Variants in USP28 observed in about 807,000 individuals in gnomAD.
USP28 encodes the protein ubiquitin carboxyl-terminal hydrolase 28.
In USP28, 113 loss-of-function variants were observed where a neutral mutation model predicts 145.0. That is an observed-to-expected ratio of 0.78 (90% CI 0.67 to 0.91). The LOEUF (loss-of-function observed/expected upper bound fraction) is 0.91. Among genes scored for constraint, USP28 ranks in the 40% least tolerant of loss-of-function variants. USP28 has a pLI of 0.00. For synonymous variants in USP28, 447 were observed against 450.9 expected, an observed-to-expected ratio of 0.99 and a Z score of 0.11; for missense variants, 1,201 against 1,289.6, an observed-to-expected ratio of 0.93 and a Z score of 1.05.
In USP28 at chr11:113,826,919, C is replaced by CAA. The variant is rs201039687; in HGVS notation, c.1187+312_1187+313dup. On this transcript the variant is annotated intron_variant, in intron 11 of 24. Coordinates refer to ENST00000003302, the Ensembl canonical transcript of USP28. ...GGGCAACAAGAGCAAAACTCTGTCT[C>CAA]AAAAAAAAAAAAAAACAAAAATTCT... 7.0e-4 allele frequency among the ~76,000 whole-genome samples: 70 copies of CAA among 100,106 alleles called. 1 individual carries two copies. Among genetic ancestry groups the CAA allele is most frequent in the East Asian group, 6.6e-3 (27 of 4,074 alleles). The allele number at this position is 100,106 out of a possible 152,430, so 65.7% of individuals were successfully genotyped here.
chr11:113,854,358 C>A lies in USP28; in HGVS notation c.58-23G>T, dbSNP rs181395650. 4.3e-3 allele frequency: 6,942 copies of A among 1,601,666 alleles called. 27 individuals are homozygous for A. Among genetic ancestry groups the A allele is most frequent in the Non-Finnish European group, 4.7e-3 (5,465 of 1,172,430 alleles). On this transcript the variant is annotated intron_variant, in intron 1 of 24. Coordinates refer to ENST00000003302, the Ensembl canonical transcript of USP28. ...GCTCTATATTTGCAAAACAAAAAAA[C>A]CACAAACATGTCAGTCAGAAAGTAA...
intron 6 of USP28, 80 bp downstream of exon 6, chr11:113,834,169 C>A (rs1944320353): frequency 1.9e-6 from 2 of 1,051,312 alleles, no homozygotes; most frequent in Non-Finnish European, 2.8e-6. Context: ...TCACGGATAT[C>A]AGCTTTAGGC....
intron 5 of USP28, 61 bp from the exon 6 acceptor site, chr11:113,834,396 T>C (rs1418222548): frequency 1.8e-6 from 2 of 1,122,304 alleles, no homozygotes; most frequent in African/African-American, 3.2e-5. Context: ...GCAACATATG[T>C]ATTTTTCACT....
At position 113,827,214 on chromosome 11, in the gene USP28, A is replaced by T; in HGVS notation, c.1187+19T>A. Reference sequence around the variant, plus strand: ...TGCTGTAATACCTCAGGAAAAAAAAAAATCAGCCAAGAACTCACCTGTCCA... The same window carrying T: ...TGCTGTAATACCTCAGGAAAAAAAATAATCAGCCAAGAACTCACCTGTCCA... On this transcript the variant is annotated intron_variant, in intron 11 of 24. Transcript: ENST00000003302. 1 of 1,587,884 alleles carries T rather than the reference A, an allele frequency of 6.3e-7. No individual in the cohort carries two copies. The highest frequency in any genetic ancestry group is 8.5e-7 in the Non-Finnish European group (1 of 1,172,912).
At chr11:113,841,233 T>G (rs1945160204) in intron 4 of USP28, among the ~76,000 whole-genome samples, 2 of 152,190 alleles carry the variant, frequency 1.3e-5, no homozygotes, top group African/African-American at 4.8e-5. Flanking sequence ...AACTGGATGT[T>G]GGTGAACAGT....
At chr11:113,847,705 C>G (rs11214739) in intron 3 of USP28, among the ~76,000 whole-genome samples, 67,121 of 151,972 alleles carry the variant, frequency 0.44, 16,284 homozygotes, top group South Asian at 0.56. Flanking sequence ...AAATGTTACC[C>G]AAAAAGCTAA....
chr11:113,827,155 ACG>A, intron 11 of USP28, 76 bp downstream of exon 11: 1 of 1,501,762 alleles, frequency 6.7e-7, no homozygotes, highest in Non-Finnish European at 8.9e-7. Context: ...GGTGATTCCT[ACG>A]CACACTATAC....
At chr11:113,870,486 C>A (rs61907874) in intron 1 of USP28, among the ~76,000 whole-genome samples, 11,381 of 152,274 alleles carry the variant, frequency 0.075, 494 homozygotes, top group Non-Finnish European at 0.09. Flanking sequence ...ATAATCACAT[C>A]GCTGCACCCC....
At chr11:113,827,381 G>A in intron 10 of USP28, 21 bp from the exon 11 acceptor site, 1 of 1,553,498 alleles carries the variant, frequency 6.4e-7, no homozygotes, top group Non-Finnish European at 8.6e-7. Flanking sequence ...GAGTAGAAAT[G>A]TGAGAGAAAG....
At chr11:113,805,032 T>G (rs769084784) in exon 20 of USP28, 3 of 1,614,010 alleles carry the variant, frequency 1.9e-6, no homozygotes, top group Non-Finnish European at 2.5e-6. Flanking sequence ...GCCTGGAGTA[T>G]TCTTCATGGA....
intron 23 of USP28, among the ~76,000 whole-genome samples, chr11:113,802,550 C>A (rs948364756): frequency 6.6e-6 from 1 of 152,178 alleles, no homozygotes. Flanking sequence ...ATCACATAAA[C>A]CCCTGGGGAG....
chr11:113,831,845 G>A, intron 8 of USP28, 75 bp downstream of exon 8: 1 of 1,437,776 alleles, frequency 7.0e-7, no homozygotes, highest in Non-Finnish European at 9.7e-7. Flanking sequence ...GTTAAGGAGA[G>A]TAACTTTCCA....
chr11:113,804,704 C>G, exon 21 of USP28: 8 of 1,614,152 alleles, frequency 5.0e-6, no homozygotes, highest in Non-Finnish European at 6.8e-6. Context: ...GTCATCTGGA[C>G]CAATTTCCTT....
intron 16 of USP28, among the ~76,000 whole-genome samples, chr11:113,811,969 C>T (rs1941057598): frequency 6.6e-6 from 1 of 152,020 alleles, no homozygotes; most frequent in African/African-American, 2.4e-5. Context: ...AAATAATCTA[C>T]TTGGGGAAAA....
intron 19 of USP28, 73 bp from the exon 21 acceptor site, chr11:113,805,119 A>T: frequency 3.8e-5 from 51 of 1,358,924 alleles, no homozygotes; most frequent in Middle Eastern, 2.2e-4. Context: ...GATGCCTAGG[A>T]GCTAGGCAGT....
chr11:113,829,171 A>G, intron 10 of USP28, 26 bp downstream of exon 10: 3 of 1,609,066 alleles, frequency 1.9e-6, no homozygotes, highest in Non-Finnish European at 2.5e-6. Flanking sequence ...TGTCACTGGC[A>G]CAGCAAATAA....
chr11:113,872,424 T>C (rs932964214), intron 1 of USP28, among the ~76,000 whole-genome samples: 1 of 151,732 alleles, frequency 6.6e-6, no homozygotes, highest in Non-Finnish European at 1.5e-5. Context: ...GGGGCGGAGC[T>C]TGCAGTGAGC....
At chr11:113,846,965 A>G (rs902756532) in intron 3 of USP28, among the ~76,000 whole-genome samples, 1 of 152,220 alleles carries the variant, frequency 6.6e-6, no homozygotes, top group African/African-American at 2.4e-5. Context: ...ACTGCACTCC[A>G]GCCTGGGTGA....
At chr11:113,869,227 G>A (rs1948583636) in intron 1 of USP28, among the ~76,000 whole-genome samples, 1 of 152,206 alleles carries the variant, frequency 6.6e-6, no homozygotes, top group South Asian at 2.1e-4. Context: ...GAGGTCAGGT[G>A]TTCAAGACCA....
Sources: allele counts gnomAD v4.1 joint callset (sites outside exome capture counted in the v4.1 genomes callset), GRCh38; gene constraint gnomAD v4.1.1; transcripts MANE v1.5; gene names NCBI Gene and HGNC (gene_info 2026-07-23, HGNC 2026-07-21).